RAD50: variants seen among roughly 807,000 people sequenced by gnomAD.
RAD50 encodes the protein DNA repair protein RAD50.
A neutral mutation model predicts 168.8 loss-of-function variants in RAD50; 132 were observed. The observed-to-expected ratio is 0.78, with a 90% CI of 0.68 to 0.90. The LOEUF is 0.90. Ranked by LOEUF, RAD50 falls within the 40% of genes least tolerant of loss-of-function variation. The pLI is 0.00. For missense variants in RAD50, 1,347 were observed against 1,534.4 expected, an observed-to-expected ratio of 0.88 and a Z score of 2.04; for synonymous variants, 525 against 497.4, an observed-to-expected ratio of 1.06 and a Z score of -0.74.
chr5:132,610,742 CAAAAT>C (rs1451431798), intron 19 of RAD50, among the ~76,000 whole-genome samples: 1 of 151,942 alleles, frequency 6.6e-6, no homozygotes, highest in African/African-American at 2.4e-5. Context: ...GCATATATAA[CAAAAT>C]AATTATCACT....
intron 22 of RAD50, 144 bp downstream of exon 22, chr5:132,637,344 G>A (rs1751605034): frequency 1.4e-6 from 2 of 1,442,042 alleles, no homozygotes; most frequent in Non-Finnish European, 1.9e-6. Context: ...TCTTATCTTG[G>A]CAACATCTTG....
chr5:132,614,470 G>A (rs978016165), intron 19 of RAD50, among the ~76,000 whole-genome samples: 2 of 150,914 alleles, frequency 1.3e-5, no homozygotes, highest in Admixed American at 6.7e-5. Context: ...CAGTTGTCTC[G>A]GTATCTCTGG....
intron 19 of RAD50, among the ~76,000 whole-genome samples, chr5:132,612,166 A>G (rs1751099546): frequency 6.6e-6 from 1 of 152,234 alleles, no homozygotes; most frequent in African/African-American, 2.4e-5. Flanking sequence ...TACCCATACA[A>G]TGGAATATTA....
intron 2 of RAD50, among the ~76,000 whole-genome samples, chr5:132,561,459 C>T (rs1750122334): frequency 6.6e-6 from 1 of 150,524 alleles, no homozygotes; most frequent in Non-Finnish European, 1.5e-5. Flanking sequence ...TCCCAAAGTG[C>T]TGGGATTACA....
At chr5:132,590,385 G>A (rs995946922) in intron 9 of RAD50, among the ~76,000 whole-genome samples, 3 of 152,136 alleles carry the variant, frequency 2.0e-5, no homozygotes, top group South Asian at 2.1e-4. Context: ...CAGGAGAATC[G>A]CTTGAACCTG....
At chr5:132,571,464 G>A (rs1580982591) in intron 2 of RAD50, among the ~76,000 whole-genome samples, 2 of 152,278 alleles carry the variant, frequency 1.3e-5, no homozygotes, top group South Asian at 4.1e-4. Flanking sequence ...TTAATTAATT[G>A]TAAAGAAAAA....
At position 132,589,702 on chromosome 5, in the gene RAD50, G is replaced by T. The variant is rs1750663237; in HGVS notation, c.1317G>T (p.Leu439=). The change falls in exon 9 of 25, where the codon CTG becomes CTT. Residue 439 remains leucine (L), a synonymous_variant. Transcript: ENST00000378823. ...AGATAAGAGATAAGAAAACTGGACTGGGAAGAATAATTGAGTTAAAATCAG... is the reference window on the plus strand; with the variant it reads ...AGATAAGAGATAAGAAAACTGGACTTGGAAGAATAATTGAGTTAAAATCAG... ...IDEIRDKKTG[L]GRIIELKSEI... 3.7e-6 allele frequency: 6 copies of T among 1,612,592 alleles called. No individual in the cohort carries two copies. The highest frequency in any genetic ancestry group is 5.1e-6 in the Non-Finnish European group (6 of 1,179,068).
intron 2 of RAD50, among the ~76,000 whole-genome samples, chr5:132,565,932 C>G (rs915555481): frequency 2.0e-5 from 3 of 152,194 alleles, no homozygotes; most frequent in Admixed American, 2.0e-4. Context: ...TCAGCCTACT[C>G]AAGCTCATTT....
chr5:132,640,750 C>T lies in RAD50; in HGVS notation c.3697C>T (p.Pro1233Ser). The T allele has an allele frequency of 6.2e-7, 1 of 1,614,152 alleles. No homozygotes were observed. Among genetic ancestry groups the T allele is most frequent in the Non-Finnish European group, 8.5e-7 (1 of 1,180,022 alleles). The change falls in exon 24 of 25, where the codon CCA becomes TCA. Residue 1233 changes from proline to serine, a missense_variant. Transcript: ENST00000378823. ...LNCGIIALDEPTTNLDRENIE... is the reference protein window; with the variant it reads ...LNCGIIALDESTTNLDRENIE... The stretch of plus-strand genomic sequence containing the variant: ...CTGTGGCATCATTGCCTTGGATGAG[C>T]CAACAACAAATCTTGACCGAGAAAA...
chr5:132,592,657 C>A, intron 11 of RAD50: 1 of 285,218 alleles, frequency 3.5e-6, no homozygotes, highest in Non-Finnish European at 7.4e-6. Flanking sequence ...CTTGAGCATC[C>A]CCAACAACTG....
At chr5:132,636,114 G>A (rs1751577197) in intron 21 of RAD50, among the ~76,000 whole-genome samples, 1 of 152,184 alleles carries the variant, frequency 6.6e-6, no homozygotes, top group Non-Finnish European at 1.5e-5. Context: ...CCTGCAAATG[G>A]AAGTAAGTCG....
At chr5:132,612,899 A>C (rs1026069754) in intron 19 of RAD50, among the ~76,000 whole-genome samples, 2 of 152,128 alleles carry the variant, frequency 1.3e-5, no homozygotes, top group East Asian at 3.8e-4. Context: ...GGGTTTGGGC[A>C]GAGATATGTG....
chr5:132,566,490 G>A (rs1750211008), intron 2 of RAD50, among the ~76,000 whole-genome samples: 1 of 152,150 alleles, frequency 6.6e-6, no homozygotes, highest in African/African-American at 2.4e-5. Context: ...TCATTGAAAT[G>A]TCTGTATCCT....
rs876659578 is a variant in RAD50, at chr5:132,640,750, CCAA to C, written c.3704_3706del (p.Thr1235del). 1.2e-6 allele frequency: 2 copies of C among 1,614,152 alleles called. No individual in the cohort carries two copies. Among genetic ancestry groups the C allele is most frequent in the Admixed American group, 3.3e-5 (2 of 60,022 alleles). On this transcript the variant is annotated inframe_deletion, in exon 24 of 25. Transcript: ENST00000378823. Reference sequence around the variant, plus strand: ...CTGTGGCATCATTGCCTTGGATGAGCCAACAACAAATCTTGACCGAGAAAACAT... The same window carrying C: ...CTGTGGCATCATTGCCTTGGATGAGCCAACAAATCTTGACCGAGAAAACAT...
chr5:132,564,855 A>C (rs559814338), intron 2 of RAD50, among the ~76,000 whole-genome samples: 17 of 152,124 alleles, frequency 1.1e-4, no homozygotes, highest in African/African-American at 3.9e-4. Context: ...GCTGCTCCAG[A>C]GGCTGCAAGC....
chr5:132,643,545 GAATT>G lies in RAD50; in HGVS notation c.*1184_*1187del, dbSNP rs1266952118. The stretch of plus-strand genomic sequence containing the variant: ...GCTTTTCTCAACTGGGTCCAGAAGA[GAATT>G]AAGCCCTAAGGTCCTAAGGCATCTA... On this transcript the variant is annotated 3_prime_UTR_variant, in exon 25 of 25. Coordinates refer to ENST00000378823, the MANE Select transcript of RAD50 (RefSeq NM_005732.4). 4.3e-6 allele frequency: 1 copy of G among 233,346 alleles called. No individual in the cohort carries two copies. The highest frequency in any genetic ancestry group is 8.5e-6 in the Non-Finnish European group (1 of 117,486). The allele number at this position is 233,346 out of a possible 1,614,324, so 14.5% of individuals were successfully genotyped here.
chr5:132,586,481 T>A (rs111690100), intron 5 of RAD50, among the ~76,000 whole-genome samples: 1 of 152,240 alleles, frequency 6.6e-6, no homozygotes, highest in Non-Finnish European at 1.5e-5. Context: ...TTAGCTAACA[T>A]TGAACACCTA....
chr5:132,605,873 A>G (rs1484943752), intron 16 of RAD50, among the ~76,000 whole-genome samples: 1 of 152,216 alleles, frequency 6.6e-6, no homozygotes, highest in African/African-American at 2.4e-5. Flanking sequence ...CTGCTCCCGA[A>G]TGACTACCGG....
In RAD50 at chr5:132,642,294, A is replaced by C. The variant is rs1156612738; in HGVS notation, c.3869A>C (p.Lys1290Thr). ...SEYVEKFYRIKKNIDQCSEIV... is the reference protein window; with the variant it reads ...SEYVEKFYRITKNIDQCSEIV... ...TATGTGGAGAAATTCTACAGGATTAAAAAGAACATCGATCAGTGCTCAGAG... is the reference window on the plus strand; with the variant it reads ...TATGTGGAGAAATTCTACAGGATTACAAAGAACATCGATCAGTGCTCAGAG... Residue 1290 changes from lysine to threonine, a missense_variant, in exon 25 of 25, where the codon AAA (lysine) becomes ACA (threonine). Physicochemically the swap from Lys to Thr is moderately conservative, Grantham distance 78. Around this residue, in one of 3 missense-constraint regions of RAD50, gnomAD observed 635 missense variants for 739.2 expected, o/e 0.86. Coordinates refer to ENST00000378823, the MANE Select transcript of RAD50 (RefSeq NM_005732.4). 2 of 1,613,984 alleles carry C rather than the reference A, an allele frequency of 1.2e-6. No homozygotes were observed. Among genetic ancestry groups the C allele is most frequent in the East Asian group, 4.5e-5 (2 of 44,896 alleles).
Sources: gnomAD v4.1 joint callset for allele counts (sites outside exome capture counted in the v4.1 genomes callset) on GRCh38, gnomAD v4.1.1 for gene constraint, gnomAD v4.1.1 regional missense constraint, MANE v1.5 for transcripts, NCBI Gene and HGNC (gene_info 2026-07-23, HGNC 2026-07-21) for gene names.